SPON1: variants seen among roughly 807,000 people sequenced by gnomAD.
The protein encoded by SPON1 is spondin 1.
SPON1 carries 52 observed loss-of-function variants against 111.7 expected under a neutral mutation model. The observed-to-expected ratio is 0.47, with a 90% CI of 0.37 to 0.59. SPON1 has a LOEUF of 0.59. Among genes scored for constraint, SPON1 ranks in the 20% least tolerant of loss-of-function variants. The pLI, the probability that SPON1 is intolerant of heterozygous loss-of-function variation, is 0.00. For synonymous variants in SPON1, 410 were observed against 395.8 expected (o/e 1.04, Z -0.43); for missense variants, 957 against 1,068.5 (o/e 0.90, Z 1.46).
chr11:14,085,057 T>G (rs1848995243), intron 5 of SPON1, among the ~76,000 whole-genome samples: 1 of 152,162 alleles, frequency 6.6e-6, no homozygotes, highest in South Asian at 2.1e-4. Context: ...CTTTGTCAGA[T>G]GGATAGATTG....
intron 6 of SPON1, among the ~76,000 whole-genome samples, chr11:14,237,512 C>T (rs1848881467): frequency 6.6e-6 from 1 of 152,220 alleles, no homozygotes; most frequent in South Asian, 2.1e-4. Context: ...ATCGTGGTTC[C>T]TGTGTGGTCA....
chr11:14,174,747 A>C (rs1324350442), intron 6 of SPON1, among the ~76,000 whole-genome samples: 1 of 152,220 alleles, frequency 6.6e-6, no homozygotes, highest in Non-Finnish European at 1.5e-5. Context: ...AGTTCCAAGA[A>C]GAGAAAAACA....
intron 2 of SPON1, among the ~76,000 whole-genome samples, chr11:14,038,149 G>C (rs560553852): frequency 3.2e-4 from 49 of 151,704 alleles, no homozygotes; most frequent in African/African-American, 1.2e-3. Context: ...CTGGGTGACA[G>C]AGTGGGACTC....
At chr11:14,262,175 G>GCATAGACCACC (rs1849192208) in intron 14 of SPON1, among the ~76,000 whole-genome samples, 1 of 152,018 alleles carries the variant, frequency 6.6e-6, no homozygotes, top group African/African-American at 2.4e-5. Context: ...TGTGTTTTTT[G>GCATAGACCACC]CATAGACCAC....
chr11:14,111,426 T>C lies in SPON1; in HGVS notation c.677-23994T>C, dbSNP rs549025163. ...TGATATAGAGTTAGTGCTGAATACA[T>C]GTTACTCAACGAACTTGCTGCAAGA... On this transcript the variant is annotated intron_variant, in intron 5 of 15. Transcript: ENST00000576479. Among the ~76,000 whole-genome samples, 26 of 152,320 alleles carry C rather than the reference T, an allele frequency of 1.7e-4. No individual in the cohort carries two copies. In the South Asian group the frequency reaches 5.2e-3, roughly 30 times the overall value.
chr11:14,003,918 C>T (rs1848339160), intron 2 of SPON1, among the ~76,000 whole-genome samples: 1 of 152,088 alleles, frequency 6.6e-6, no homozygotes, highest in Non-Finnish European at 1.5e-5. Context: ...CTTTGACTTA[C>T]ATCTTCCTAT....
intron 5 of SPON1, among the ~76,000 whole-genome samples, chr11:14,108,754 CTT>C (rs1227158827): frequency 2.1e-5 from 3 of 145,136 alleles, no homozygotes; most frequent in Non-Finnish European, 3.0e-5. Flanking sequence ...ATTTGATGAC[CTT>C]TTTTTTTTTT....
chr11:14,164,532 TA>T (rs1240577913), intron 6 of SPON1, among the ~76,000 whole-genome samples: 2 of 152,130 alleles, frequency 1.3e-5, no homozygotes, highest in African/African-American at 4.8e-5. Flanking sequence ...AAGACAAAAA[TA>T]AACCCGTTCT....
chr11:14,262,031 G>A (rs1849190025), intron 14 of SPON1, among the ~76,000 whole-genome samples: 1 of 152,106 alleles, frequency 6.6e-6, no homozygotes, highest in South Asian at 2.1e-4. Context: ...CATCCTGACA[G>A]TCAAACTGAT....
intron 6 of SPON1, among the ~76,000 whole-genome samples, chr11:14,229,863 T>C (rs746714435): frequency 2.2e-4 from 33 of 152,272 alleles, no homozygotes; most frequent in Non-Finnish European, 3.7e-4. Flanking sequence ...AAAGAGCGTT[T>C]TCACAGTCAG....
chr11:13,975,270 T>C (rs1848093814), intron 1 of SPON1, among the ~76,000 whole-genome samples: 3 of 152,122 alleles, frequency 2.0e-5, no homozygotes, highest in Admixed American at 2.0e-4. Context: ...GTAGACCAAA[T>C]GCTCAGTAAA....
intron 1 of SPON1, among the ~76,000 whole-genome samples, chr11:13,980,410 G>C (rs373146830): frequency 2.6e-5 from 4 of 152,188 alleles, no homozygotes; most frequent in African/African-American, 9.6e-5. Context: ...GGGATAACCG[G>C]CCAATCACAG....
At chr11:14,029,332 G>A (rs996967776) in intron 2 of SPON1, among the ~76,000 whole-genome samples, 4 of 152,012 alleles carry the variant, frequency 2.6e-5, no homozygotes, top group Admixed American at 1.3e-4. Flanking sequence ...GAGAGCAAGC[G>A]GGACACGAGA....
intron 3 of SPON1, among the ~76,000 whole-genome samples, chr11:14,052,405 C>T (rs558738275): frequency 5.9e-5 from 9 of 152,252 alleles, no homozygotes; most frequent in East Asian, 1.9e-4. Context: ...GTGGCTGGGG[C>T]GAAGCTTACC....
rs1027504406 is a variant in SPON1 at position 14,265,913 on chromosome 11, A to G, written c.*226A>G. ...TCCAGCCAGCCTCTTCCTGCAGAGG[A>G]GTAGTGTCAGCCACCTTGTACTAAG... On this transcript the variant is annotated 3_prime_UTR_variant, in exon 16 of 16. Coordinates refer to ENST00000576479, the MANE Select transcript of SPON1 (RefSeq NM_006108.4). 2.3e-5 allele frequency: 11 copies of G among 478,946 alleles called. No homozygotes were observed. Among genetic ancestry groups the G allele is most frequent in the Admixed American group, 2.1e-4 (6 of 28,882 alleles). 29.7% of individuals were successfully genotyped at this position (478,946 alleles called of 1,614,324 possible).
chr11:14,256,344 A>G (rs1345461672), intron 9 of SPON1, among the ~76,000 whole-genome samples: 2 of 152,104 alleles, frequency 1.3e-5, no homozygotes, highest in South Asian at 2.1e-4. Flanking sequence ...AATTGCTTTC[A>G]TTGTGAGTTC....
intron 6 of SPON1, among the ~76,000 whole-genome samples, chr11:14,161,086 A>ATATATATCTATAATTTTTATATATATC (rs1847947048): frequency 3.9e-5 from 1 of 25,448 alleles, no homozygotes; most frequent in African/African-American, 1.3e-4. Context: ...TTATATATTT[A>ATATATATCTATAATTTTTATATATATC]TATATATCTA....
intron 1 of SPON1, among the ~76,000 whole-genome samples, chr11:13,977,382 G>A (rs868953167): frequency 1.7e-4 from 26 of 152,112 alleles, no homozygotes; most frequent in African/African-American, 6.0e-4. Context: ...TGTTAGATAC[G>A]CAGTACTATT....
chr11:14,027,518 G>A (rs1363829629), intron 2 of SPON1, among the ~76,000 whole-genome samples: 1 of 152,216 alleles, frequency 6.6e-6, no homozygotes, highest in Non-Finnish European at 1.5e-5. Context: ...CCAGCACAGT[G>A]ACTGGGACAC....
Sources: allele counts gnomAD v4.1 joint callset (sites outside exome capture counted in the v4.1 genomes callset), GRCh38; gene constraint gnomAD v4.1.1; transcripts MANE v1.5; gene names NCBI Gene and HGNC (gene_info 2026-07-23, HGNC 2026-07-21).